The following ADGRL2 variants were observed in gnomAD, a reference collection of about 807,000 sequenced individuals.
The protein encoded by ADGRL2 is calcium-independent alpha-latrotoxin receptor 2.
Under a neutral mutation model 157.4 loss-of-function variants are expected in ADGRL2, and 44 were observed. The observed-to-expected ratio is 0.28, with a 90% CI of 0.22 to 0.36. The LOEUF (loss-of-function observed/expected upper bound fraction) is 0.36. ADGRL2 is among the 10% of genes least tolerant of loss of function. The pLI is 1.00. For synonymous variants in ADGRL2, 585 were observed against 624.7 expected (o/e 0.94, Z 0.95); for missense variants, 1,510 against 1,768.9 (o/e 0.85, Z 2.63).
intron 1 of ADGRL2, among the ~76,000 whole-genome samples, chr1:81,435,243 C>CA (rs1252282549): frequency 1.3e-5 from 2 of 152,074 alleles, no homozygotes; most frequent in Non-Finnish European, 2.9e-5. Context: ...CAGCAACTGA[C>CA]AAAAGAACTG....
chr1:81,599,920 T>C (rs959638008), intron 3 of ADGRL2, among the ~76,000 whole-genome samples: 3 of 152,358 alleles, frequency 2.0e-5, no homozygotes, highest in African/African-American at 4.8e-5. Context: ...CATGTTTGTT[T>C]ACTTCTGCAA....
At chr1:81,420,597 G>A (rs2077107449) in intron 1 of ADGRL2, among the ~76,000 whole-genome samples, 1 of 152,304 alleles carries the variant, frequency 6.6e-6, no homozygotes, top group South Asian at 2.1e-4. Context: ...GTCCTTCAAA[G>A]TTGCAGAGTG....
chr1:81,949,620 C>T (rs1651091917), intron 6 of ADGRL2, among the ~76,000 whole-genome samples: 2 of 152,158 alleles, frequency 1.3e-5, no homozygotes, highest in Admixed American at 6.5e-5. Flanking sequence ...GCAAGCATGC[C>T]AAGCTTATCT....
intron 1 of ADGRL2, among the ~76,000 whole-genome samples, chr1:81,356,892 G>A (rs1046039575): frequency 1.5e-5 from 2 of 135,054 alleles, no homozygotes; most frequent in African/African-American, 2.7e-5. Flanking sequence ...GGCGGAGCTT[G>A]CAGTGAGCAG....
chr1:81,703,713 T>C (rs1415183775), intron 1 of ADGRL2, among the ~76,000 whole-genome samples: 1 of 152,150 alleles, frequency 6.6e-6, no homozygotes. Context: ...AATGAAGAAA[T>C]GGAAACTGGT....
chr1:81,975,211 T>C (rs1393504596), intron 17 of ADGRL2, among the ~76,000 whole-genome samples: 2 of 152,058 alleles, frequency 1.3e-5, no homozygotes, highest in African/African-American at 2.4e-5. Context: ...TGTACCACAA[T>C]CCTAATAGCC....
intron 2 of ADGRL2, among the ~76,000 whole-genome samples, chr1:81,764,253 T>A (rs1404741194): frequency 1.3e-5 from 2 of 151,774 alleles, no homozygotes; most frequent in Non-Finnish European, 2.9e-5. Flanking sequence ...AAAAAATTGC[T>A]TTTAACCTAA....
In ADGRL2 at chr1:81,936,746, G is replaced by A; in HGVS notation, c.306G>A (p.Gln102=). 1 of 1,603,872 alleles carries A rather than the reference G, an allele frequency of 6.2e-7. No homozygotes were observed. Among genetic ancestry groups the A allele is most frequent in the Non-Finnish European group, 8.5e-7 (1 of 1,172,468 alleles). The part of the protein sequence containing the change: ...IMTQRCNNRT[Q]CIVVTGSDVF... ...TTTTCAGGTGCAACAATCGAACACA[G>A]TGTATAGTAGTTACTGGGTCAGATG... The change falls in exon 4 of 24, where the codon CAG becomes CAA. Residue 102 remains glutamine, a synonymous_variant. Coordinates refer to ENST00000686636, the MANE Select transcript of ADGRL2 (RefSeq NM_001366006.2).
intron 2 of ADGRL2, among the ~76,000 whole-genome samples, chr1:81,451,533 C>T (rs899091879): frequency 6.6e-6 from 1 of 152,156 alleles, no homozygotes; most frequent in Non-Finnish European, 1.5e-5. Flanking sequence ...TGTGTTTTAA[C>T]TTAAACTCTC....
chr1:81,393,814 CTTGCTTTTTTTTTTTTT>C (rs1434915131), intron 1 of ADGRL2, among the ~76,000 whole-genome samples: 2 of 102,446 alleles, frequency 2.0e-5, no homozygotes, highest in East Asian at 6.0e-4. Flanking sequence ...ATACTATTGC[CTTGCTTTTTTTTTTTTT>C]TTGCTTTTTT....
rs566186105 is a variant in ADGRL2 at position 81,986,300 on chromosome 1, A to G, written c.3509-601A>G. ...ACCTGGCAAATAACATTACATAATG[A>G]AAATTCTTGTTATATAGAATTTGTG... On this transcript the variant is annotated intron_variant, in intron 21 of 23. Transcript: ENST00000686636. Among the ~76,000 whole-genome samples the G allele has an allele frequency of 6.6e-5, 10 of 152,250 alleles. No individual in the cohort carries two copies. The South Asian group carries it at 1.7e-3, about 25-fold the overall frequency.
Position 81,952,109 on chromosome 1 carries a change from T to A in ADGRL2, c.1761T>A (p.Ser587Arg). The A allele has an allele frequency of 6.2e-7, 1 of 1,612,624 alleles. No individual in the cohort carries two copies. The highest frequency in any genetic ancestry group is 8.5e-7 in the Non-Finnish European group (1 of 1,179,200). ...CACAGCTGCAGGAACTGAAACCTAG[T>A]GAAAAAGATTCAGCTGGACGGAGTT... Reference protein sequence around the residue: ...LDAQLQELKPSEKDSAGRSYN... With the variant: ...LDAQLQELKPREKDSAGRSYN... The change falls in exon 9 of 24, where the codon AGT (serine) becomes AGA (arginine). Residue 587 changes from serine (S) to arginine (R), a missense_variant. Transcript: ENST00000686636.
intron 1 of ADGRL2, among the ~76,000 whole-genome samples, chr1:81,750,187 A>G (rs879557891): frequency 5.3e-5 from 8 of 152,166 alleles, no homozygotes; most frequent in African/African-American, 1.9e-4. Context: ...CACCTAACCT[A>G]TGAAGCTGGG....
intron 4 of ADGRL2, among the ~76,000 whole-genome samples, chr1:81,940,704 A>C (rs1647595981): frequency 7.0e-6 from 1 of 142,316 alleles, no homozygotes; most frequent in Non-Finnish European, 1.5e-5. Flanking sequence ...ACTCTGTCTG[A>C]GTACATTTTG....
At chr1:81,784,329 A>G (rs758124238) in intron 2 of ADGRL2, among the ~76,000 whole-genome samples, 6 of 152,228 alleles carry the variant, frequency 3.9e-5, no homozygotes, top group Non-Finnish European at 4.4e-5. Flanking sequence ...GGTGTTTCAA[A>G]AACTTTTACA....
chr1:81,404,604 G>A (rs544083047), intron 1 of ADGRL2, among the ~76,000 whole-genome samples: 1 of 152,226 alleles, frequency 6.6e-6, no homozygotes, highest in South Asian at 2.1e-4. Context: ...TAAGTATAAA[G>A]CAATGAATAA....
chr1:81,940,808 C>A (rs535335685), intron 4 of ADGRL2, among the ~76,000 whole-genome samples: 1 of 151,484 alleles, frequency 6.6e-6, no homozygotes, highest in South Asian at 2.1e-4. Flanking sequence ...AGGCAACATA[C>A]TTCAAGCCTA....
At chr1:81,317,314 C>G (rs1472035710) in intron 1 of ADGRL2, among the ~76,000 whole-genome samples, 1 of 152,166 alleles carries the variant, frequency 6.6e-6, no homozygotes, top group Non-Finnish European at 1.5e-5. Context: ...CCCCAACCCT[C>G]AACCCCACAT....
intron 3 of ADGRL2, among the ~76,000 whole-genome samples, chr1:81,597,590 T>G (rs1055782187): frequency 6.6e-6 from 1 of 152,142 alleles, no homozygotes; most frequent in African/African-American, 2.4e-5. Flanking sequence ...ATTTTACACA[T>G]GAGAAAATTA....
Sources: allele counts gnomAD v4.1 joint callset (sites outside exome capture counted in the v4.1 genomes callset), GRCh38; gene constraint gnomAD v4.1.1; transcripts MANE v1.5; gene names NCBI Gene and HGNC (gene_info 2026-07-23, HGNC 2026-07-21).